CSMD3: variants seen among roughly 807,000 people sequenced by gnomAD.
CSMD3 encodes CUB and sushi domain-containing protein 3.
In CSMD3, 177 loss-of-function variants were observed where a neutral mutation model predicts 435.2. That is an observed-to-expected ratio of 0.41 (90% CI 0.36 to 0.46). The LOEUF is 0.46. CSMD3 is among the 20% of genes least tolerant of loss of function. CSMD3 has a pLI of 0.34. For missense variants in CSMD3, 4,265 were observed against 4,504.6 expected (o/e 0.95, Z 1.52); for synonymous variants, 1,656 against 1,520.5 (o/e 1.09, Z -2.07).
chr8:113,317,971 C>A (rs1290412877), intron 1 of CSMD3, among the ~76,000 whole-genome samples: 1 of 152,092 alleles, frequency 6.6e-6, no homozygotes, highest in Non-Finnish European at 1.5e-5. Context: ...ATTTATTTTA[C>A]CATTCTCCTA....
At chr8:112,748,834 A>G (rs1283706574) in intron 13 of CSMD3, among the ~76,000 whole-genome samples, 1 of 152,172 alleles carries the variant, frequency 6.6e-6, no homozygotes, top group Non-Finnish European at 1.5e-5. Flanking sequence ...AGAATGCTTT[A>G]TATTCCTCTG....
At chr8:112,522,027 C>T (rs1280651879) in intron 27 of CSMD3, among the ~76,000 whole-genome samples, 1 of 151,648 alleles carries the variant, frequency 6.6e-6, no homozygotes, top group Non-Finnish European at 1.5e-5. Flanking sequence ...TTTTACACTA[C>T]TTTTTATGCC....
chr8:112,827,267 T>C (rs769496719), intron 12 of CSMD3, among the ~76,000 whole-genome samples: 5 of 148,226 alleles, frequency 3.4e-5, no homozygotes, highest in Non-Finnish European at 7.4e-5. Context: ...TTTGTTTTTT[T>C]AAGAAAACAG....
At chr8:113,066,102 G>T (rs1294187730) in intron 5 of CSMD3, among the ~76,000 whole-genome samples, 1 of 139,532 alleles carries the variant, frequency 7.2e-6, no homozygotes, top group African/African-American at 2.7e-5. Flanking sequence ...TCTTGCTCTT[G>T]TCTCAAGGTC....
At chr8:112,474,584 G>A (rs908152793) in intron 31 of CSMD3, among the ~76,000 whole-genome samples, 1 of 152,152 alleles carries the variant, frequency 6.6e-6, no homozygotes, top group South Asian at 2.1e-4. Context: ...GAGAAAAGGA[G>A]ATTAGAAATA....
At chr8:113,229,027 T>C (rs2093056822) in intron 3 of CSMD3, among the ~76,000 whole-genome samples, 1 of 151,672 alleles carries the variant, frequency 6.6e-6, no homozygotes, top group South Asian at 2.1e-4. Flanking sequence ...TGGTTCTATC[T>C]GCATTATTAA....
intron 32 of CSMD3, among the ~76,000 whole-genome samples, chr8:112,444,300 AT>A (rs779498324): frequency 1.3e-5 from 2 of 152,224 alleles, no homozygotes; most frequent in East Asian, 3.9e-4. Context: ...CTATTTGGCA[AT>A]TTTTATGAAG....
At chr8:112,449,324 C>T (rs62516469) in intron 32 of CSMD3, among the ~76,000 whole-genome samples, 28,263 of 152,124 alleles carry the variant, frequency 0.19, 3,216 homozygotes, top group Middle Eastern at 0.36. Context: ...AAGCAACCCT[C>T]GCTCTTCTAA....
intron 30 of CSMD3, among the ~76,000 whole-genome samples, chr8:112,495,396 T>C (rs1821236838): frequency 6.6e-6 from 1 of 152,192 alleles, no homozygotes; most frequent in African/African-American, 2.4e-5. Context: ...CAATATAATG[T>C]CAGTGAAACT....
chr8:112,287,887 C>T (rs953239660), intron 57 of CSMD3, among the ~76,000 whole-genome samples: 1 of 152,016 alleles, frequency 6.6e-6, no homozygotes, highest in African/African-American at 2.4e-5. Flanking sequence ...GAATATTGCT[C>T]ATAACTAGGC....
intron 36 of CSMD3, among the ~76,000 whole-genome samples, chr8:112,389,319 T>A (rs908726451): frequency 5.3e-5 from 8 of 152,168 alleles, no homozygotes; most frequent in African/African-American, 1.9e-4. Context: ...TGGTAAAAGT[T>A]CTATGAAGAT....
intron 6 of CSMD3, among the ~76,000 whole-genome samples, chr8:113,002,600 C>G (rs2085905412): frequency 6.6e-6 from 1 of 151,974 alleles, no homozygotes; most frequent in Admixed American, 6.6e-5. Context: ...GATGAGAAAA[C>G]TGGAGGTAAG....
intron 38 of CSMD3, among the ~76,000 whole-genome samples, chr8:112,364,838 C>T (rs1186462676): frequency 6.6e-6 from 1 of 151,932 alleles, no homozygotes; most frequent in Non-Finnish European, 1.5e-5. Context: ...AACAAACACA[C>T]CAGAAAGCAA....
intron 38 of CSMD3, among the ~76,000 whole-genome samples, chr8:112,364,491 AT>A (rs577406876): frequency 6.8e-4 from 103 of 152,130 alleles, no homozygotes; most frequent in Admixed American, 1.3e-3. Flanking sequence ...TAAGTTCAAA[AT>A]GTAATTCTGC....
chr8:112,423,139 A>AT (rs377407905), intron 32 of CSMD3, among the ~76,000 whole-genome samples: 1,804 of 150,348 alleles, frequency 0.012, 33 homozygotes, highest in African/African-American at 0.04. Flanking sequence ...TTTGATAGTT[A>AT]TTTTTTTTTT....
At chr8:113,254,360 C>G (rs1385504531) in intron 3 of CSMD3, among the ~76,000 whole-genome samples, 2 of 152,162 alleles carry the variant, frequency 1.3e-5, no homozygotes, top group African/African-American at 4.8e-5. Context: ...CAGGAAAAGG[C>G]TAACCAGGGT....
chr8:113,160,270 A>G (rs1336147220), intron 4 of CSMD3, among the ~76,000 whole-genome samples: 1 of 151,906 alleles, frequency 6.6e-6, no homozygotes, highest in African/African-American at 2.4e-5. Flanking sequence ...TTTTTCTTCT[A>G]TATTAACAAC....
At chr8:113,246,382 T>C (rs2093276445) in intron 3 of CSMD3, among the ~76,000 whole-genome samples, 1 of 152,078 alleles carries the variant, frequency 6.6e-6, no homozygotes, top group African/African-American at 2.4e-5. Context: ...TTTATTTTAG[T>C]TGTTATACTT....
chr8:113,216,007 G>A (rs1313918533), intron 3 of CSMD3, among the ~76,000 whole-genome samples: 1 of 151,654 alleles, frequency 6.6e-6, no homozygotes, highest in Non-Finnish European at 1.5e-5. Flanking sequence ...ATGGTTGAGG[G>A]GAGAAAATTG....
Sources: allele counts gnomAD v4.1 joint callset (sites outside exome capture counted in the v4.1 genomes callset), GRCh38; gene constraint gnomAD v4.1.1; transcripts MANE v1.5; gene names NCBI Gene and HGNC (gene_info 2026-07-23, HGNC 2026-07-21).